AKAP8: variants seen among roughly 807,000 people sequenced by gnomAD.
The protein encoded by AKAP8 is A-kinase anchor protein 8.
In AKAP8, 24 loss-of-function variants were observed where a neutral mutation model predicts 67.5. The ratio of observed to expected loss-of-function variants is 0.36; its 90% CI spans 0.26 to 0.50. The LOEUF is 0.50. AKAP8 is among the 20% of genes least tolerant of loss of function. The pLI is 0.97. For missense variants in AKAP8, 971 were observed against 955.9 expected (o/e 1.02, Z -0.21); for synonymous variants, 400 against 371.1 (o/e 1.08, Z -0.90).
intron 9 of AKAP8, among the ~76,000 whole-genome samples, chr19:15,367,322 G>T (rs1225112685): frequency 6.6e-6 from 1 of 152,140 alleles, no homozygotes; most frequent in Non-Finnish European, 1.5e-5. Context: ...AAGATCAGGA[G>T]TTTAAGACCA....
At position 15,376,790 on chromosome 19, in the gene AKAP8, ACTGCTTTC is replaced by A. The variant is rs1261938361; in HGVS notation, c.58+178_58+185del. ...CCATCCACTCTTTCACACATTTATG[ACTGCTTTC>A]CTGCTACAGAGACTGTGGAGCCCAT... On this transcript the variant is annotated intron_variant, in intron 2 of 13. Coordinates refer to ENST00000269701, the MANE Select transcript of AKAP8 (RefSeq NM_005858.4). Among the ~76,000 whole-genome samples, 4 of 152,200 alleles carry A rather than the reference ACTGCTTTC, an allele frequency of 2.6e-5. No homozygotes were observed. The East Asian group carries it at 7.7e-4, about 29-fold the overall frequency.
chr19:15,373,314 G>T lies in AKAP8; in HGVS notation c.398C>A (p.Ser133Tyr). Reference sequence around the variant, plus strand: ...CGGCAGGCAGGGCCTGGAGTCATAGGACTCGAACGGCTGGAAGCGGAAGGA... The same window carrying T: ...CGGCAGGCAGGGCCTGGAGTCATAGTACTCGAACGGCTGGAAGCGGAAGGA... ...ESSFRFQPFE[S>Y]YDSRPCLPEH... The change falls in exon 5 of 14, where the codon TCC (serine) becomes TAC (tyrosine). Residue 133 changes from serine to tyrosine, a missense_variant. Ser to Tyr is a moderately radical substitution (Grantham distance 144). Coordinates refer to ENST00000269701, the MANE Select transcript of AKAP8 (RefSeq NM_005858.4). 1 of 1,611,690 alleles carries T rather than the reference G, an allele frequency of 6.2e-7. No homozygotes were observed. Among genetic ancestry groups the T allele is most frequent in the Non-Finnish European group, 8.5e-7 (1 of 1,178,930 alleles).
chr19:15,359,342 G>T (rs557125354), intron 12 of AKAP8, among the ~76,000 whole-genome samples: 2 of 152,208 alleles, frequency 1.3e-5, no homozygotes, highest in African/African-American at 2.4e-5. Context: ...ACAAATGAAA[G>T]GCTGTGTGGA....
At chr19:15,362,890 C>T (rs1197065619) in intron 9 of AKAP8, among the ~76,000 whole-genome samples, 12 of 149,152 alleles carry the variant, frequency 8.0e-5, no homozygotes, top group Non-Finnish European at 1.2e-4. Context: ...TCTGCCCGGC[C>T]GCCATCCCAT....
chr19:15,378,007 T>C (rs1967283270), intron 1 of AKAP8, among the ~76,000 whole-genome samples: 1 of 152,164 alleles, frequency 6.6e-6, no homozygotes. Context: ...GACTTCACTT[T>C]GATGAGGCAG....
chr19:15,371,718 A>T (rs1967160655), intron 7 of AKAP8, among the ~76,000 whole-genome samples: 1 of 151,710 alleles, frequency 6.6e-6, no homozygotes, highest in South Asian at 2.1e-4. Context: ...CCAACTCTCG[A>T]CCTCAAGTGA....
Position 15,354,697 on chromosome 19 carries a change from G to A in AKAP8, c.*218C>T. 2 of 595,882 alleles carry A rather than the reference G, an allele frequency of 3.4e-6. No homozygotes were observed. The highest frequency in any genetic ancestry group is 1.9e-5 in the African/African-American group (1 of 53,940). 36.9% of individuals were successfully genotyped at this position (595,882 alleles called of 1,614,324 possible). A position where few individuals can be genotyped will look rare whatever the true frequency, so the allele number is the denominator to read the frequency against. ...CAAGAGACATGTTACAGCCGCTAAG[G>A]ACAATGTACTTCAGCTTTGAAACCT... On this transcript the variant is annotated 3_prime_UTR_variant, in exon 14 of 14. Coordinates refer to ENST00000269701, the MANE Select transcript of AKAP8 (RefSeq NM_005858.4).
intron 9 of AKAP8, among the ~76,000 whole-genome samples, chr19:15,367,529 GAAAC>G (rs1442748175): frequency 1.3e-5 from 2 of 152,100 alleles, no homozygotes; most frequent in South Asian, 2.1e-4. Context: ...CTCCATCTCA[GAAAC>G]AAACAAACAA....
chr19:15,375,917 C>T (rs568983656), intron 2 of AKAP8, among the ~76,000 whole-genome samples: 22 of 151,754 alleles, frequency 1.4e-4, no homozygotes, highest in Middle Eastern at 3.4e-3. Context: ...GGATTACAGG[C>T]GTGAGCCACC....
intron 12 of AKAP8, among the ~76,000 whole-genome samples, chr19:15,359,950 A>T (rs977242016): frequency 1.3e-5 from 2 of 151,938 alleles, no homozygotes; most frequent in Admixed American, 6.6e-5. Context: ...CCTGGCCAAC[A>T]TGGTGAAACC....
At chr19:15,377,804 G>A (rs1967279496) in intron 1 of AKAP8, among the ~76,000 whole-genome samples, 1 of 152,102 alleles carries the variant, frequency 6.6e-6, no homozygotes, top group African/African-American at 2.4e-5. Flanking sequence ...GGATCCCCTG[G>A]ACCTTTAAGT....
Position 15,355,145 on chromosome 19 carries a change from TACCG to T in AKAP8, c.1845_1848del (p.Gly616ValfsTer89). ...AGCAGCTGTTCGGCTTGAGGATCACTACCGGCCTCCGCTGTGTCCGTGGGGCCTT... is the reference window on the plus strand; with the variant it reads ...AGCAGCTGTTCGGCTTGAGGATCACTGCCTCCGCTGTGTCCGTGGGGCCTT... On this transcript the variant is annotated frameshift_variant, in exon 14 of 14. Coordinates refer to ENST00000269701, the MANE Select transcript of AKAP8 (RefSeq NM_005858.4). LOFTEE classifies it low-confidence loss of function (END_TRUNC). The T allele has an allele frequency of 6.2e-7, 1 of 1,613,288 alleles. No homozygotes were observed.
Position 15,355,251 on chromosome 19 carries a change from C to G in AKAP8, c.1743G>C (p.Val581=), listed in dbSNP as rs2048270422. The change falls in exon 14 of 14, where the codon GTG becomes GTC. Residue 581 remains valine (V), a synonymous_variant. Coordinates refer to ENST00000269701, the MANE Select transcript of AKAP8 (RefSeq NM_005858.4). ...CTACGGCCCTCACTGCTGCTGTAAT[C>G]ACCTCTGCTAAGACGTCCGCGGCCA... ...EEVAADVLAE[V]ITAAVRAVDG... 1.2e-6 allele frequency: 2 copies of G among 1,612,210 alleles called. No individual in the cohort carries two copies. Among genetic ancestry groups the G allele is most frequent in the African/African-American group, 2.7e-5 (2 of 74,944 alleles).
chr19:15,357,708 C>CTTTT (rs869102920), intron 13 of AKAP8, among the ~76,000 whole-genome samples: 15 of 120,992 alleles, frequency 1.2e-4, no homozygotes, highest in South Asian at 2.7e-4. Context: ...TTTCCTCCCT[C>CTTTT]TTTTTTTTTT....
chr19:15,376,977 C>A lies in AKAP8; in HGVS notation c.57G>T (p.Gln19His). 6.2e-7 allele frequency: 1 copy of A among 1,612,712 alleles called. No homozygotes were observed. The highest frequency in any genetic ancestry group is 8.5e-7 in the Non-Finnish European group (1 of 1,179,452). The stretch of plus-strand genomic sequence containing the variant: ...ACCCGCAAAGCAGAGCCCACTTACC[C>A]TGGGTGTTGGCAGGTCCAGCACTCC... ...GAWSAGPANT[Q>H]GAYGTGVASW... is the part of the protein sequence containing the mutation. Residue 19 changes from glutamine to histidine, a missense_variant and splice_region_variant, in exon 2 of 14, where the codon CAG becomes CAT. This residue lies in a region of AKAP8 where 763 missense variants were observed against 745.4 expected (regional missense o/e 1.02). Transcript: ENST00000269701.
chr19:15,365,037 G>T (rs1967046876), intron 9 of AKAP8, among the ~76,000 whole-genome samples: 1 of 152,188 alleles, frequency 6.6e-6, no homozygotes, highest in South Asian at 2.1e-4. Flanking sequence ...TCAGGAAAAT[G>T]ACTCGCATAG....
intron 2 of AKAP8, among the ~76,000 whole-genome samples, chr19:15,376,611 A>G (rs990600662): frequency 6.6e-6 from 1 of 152,214 alleles, no homozygotes; most frequent in Admixed American, 6.5e-5. Flanking sequence ...GCTGTACTAA[A>G]AAGTCTGGTA....
intron 5 of AKAP8, 36 bp from the exon 6 acceptor site, chr19:15,372,383 G>A (rs1054748218): frequency 1.1e-5 from 17 of 1,606,914 alleles, no homozygotes; most frequent in Non-Finnish European, 1.1e-5. Flanking sequence ...AGCTACTTAC[G>A]AGGGCCATGA....
chr19:15,358,966 C>T lies in AKAP8; in HGVS notation c.1623+1G>A. On this transcript the variant is annotated splice_donor_variant, in intron 13 of 13. Transcript: ENST00000269701. LOFTEE classifies it high-confidence loss of function. Reference sequence around the variant, plus strand: ...TGTCTGTGGTACTTGCAAGCACAAACCTTGAGGTATTTTTCCAGCATCTTC... The same window carrying T: ...TGTCTGTGGTACTTGCAAGCACAAATCTTGAGGTATTTTTCCAGCATCTTC... The T allele has an allele frequency of 6.2e-7, 1 of 1,613,874 alleles. No homozygotes were observed. Among genetic ancestry groups the T allele is most frequent in the South Asian group, 1.1e-5 (1 of 91,078 alleles).
Sources: allele counts gnomAD v4.1 joint callset (sites outside exome capture counted in the v4.1 genomes callset), GRCh38; gene constraint gnomAD v4.1.1; regional missense constraint gnomAD v4.1.1; transcripts MANE v1.5; gene names NCBI Gene and HGNC (gene_info 2026-07-23, HGNC 2026-07-21).